Variants in ADAMTSL1 observed in about 807,000 individuals in gnomAD.
The protein encoded by ADAMTSL1 is ADAMTS-like protein 1.
ADAMTSL1 carries 126 observed loss-of-function variants against 201.8 expected under a neutral mutation model. The observed-to-expected ratio is 0.62, with a 90% CI of 0.54 to 0.72. The LOEUF (loss-of-function observed/expected upper bound fraction) is 0.72. Ranked by LOEUF, ADAMTSL1 falls within the 30% of genes least tolerant of loss-of-function variation. ADAMTSL1 has a pLI of 0.00. For synonymous variants in ADAMTSL1, 1,121 were observed against 903.4 expected (o/e 1.24, Z -4.32); for missense variants, 2,679 against 2,277.8 (o/e 1.18, Z -3.59).
intron 23 of ADAMTSL1, among the ~76,000 whole-genome samples, chr9:18,866,445 A>G (rs1827546636): frequency 6.6e-6 from 1 of 152,262 alleles, no homozygotes; most frequent in Non-Finnish European, 1.5e-5. Flanking sequence ...AAAGCCTTGA[A>G]AAACAGATTA....
At chr9:18,437,138 C>T (rs142252713) in intron 2 of ADAMTSL1, among the ~76,000 whole-genome samples, 3 of 151,818 alleles carry the variant, frequency 2.0e-5, no homozygotes, top group South Asian at 4.2e-4. Context: ...GGACACTCTG[C>T]GCATCAAAAC....
intron 1 of ADAMTSL1, among the ~76,000 whole-genome samples, chr9:18,018,645 C>A (rs987405070): frequency 2.6e-5 from 4 of 151,982 alleles, no homozygotes; most frequent in African/African-American, 9.7e-5. Flanking sequence ...TATGCAAACC[C>A]CATCAATTAA....
chr9:18,375,825 A>G (rs1006061920), intron 2 of ADAMTSL1, among the ~76,000 whole-genome samples: 2 of 152,042 alleles, frequency 1.3e-5, no homozygotes, highest in Non-Finnish European at 2.9e-5. Flanking sequence ...CGATTGGCCC[A>G]TTTTACAGAG....
intron 1 of ADAMTSL1, among the ~76,000 whole-genome samples, chr9:18,075,032 T>C (rs1371914286): frequency 1.3e-5 from 2 of 152,148 alleles, no homozygotes; most frequent in Admixed American, 6.6e-5. Flanking sequence ...GCCTTCCTGC[T>C]TCCCTCTTGC....
At chr9:18,809,040 G>A (rs2131135764) in intron 20 of ADAMTSL1, among the ~76,000 whole-genome samples, 1 of 152,310 alleles carries the variant, frequency 6.6e-6, no homozygotes, top group Admixed American at 6.5e-5. Context: ...GCCAGGCCTA[G>A]GTGATAGAAA....
intron 23 of ADAMTSL1, among the ~76,000 whole-genome samples, chr9:18,862,851 A>C (rs1445078393): frequency 6.6e-6 from 1 of 152,246 alleles, no homozygotes; most frequent in Non-Finnish European, 1.5e-5. Context: ...CTAGGGACTT[A>C]TAAACCCAGA....
chr9:18,330,255 C>A (rs905792699), intron 2 of ADAMTSL1, among the ~76,000 whole-genome samples: 6 of 152,104 alleles, frequency 3.9e-5, no homozygotes, highest in Admixed American at 3.9e-4. Flanking sequence ...GCCTATTATT[C>A]TCAGTGTCAT....
chr9:18,838,379 AC>A (rs1238594560), intron 23 of ADAMTSL1, among the ~76,000 whole-genome samples: 6 of 136,824 alleles, frequency 4.4e-5, no homozygotes, highest in African/African-American at 1.3e-4. Context: ...ACACACACAC[AC>A]ACACACACAC....
At chr9:18,891,635 A>G (rs1588322604) in intron 25 of ADAMTSL1, among the ~76,000 whole-genome samples, 2 of 152,236 alleles carry the variant, frequency 1.3e-5, no homozygotes, top group African/African-American at 2.4e-5. Flanking sequence ...TCTGAGAGGT[A>G]TAAGACCTAT....
intron 2 of ADAMTSL1, among the ~76,000 whole-genome samples, chr9:18,291,710 CTCTCTT>C (rs1163560869): frequency 3.2e-4 from 43 of 134,032 alleles, no homozygotes; most frequent in African/African-American, 1.1e-3. Context: ...CTCTCTCTCT[CTCTCTT>C]TCTCTCTCTC....
At chr9:18,265,458 G>A (rs917325310) in intron 2 of ADAMTSL1, among the ~76,000 whole-genome samples, 1 of 151,948 alleles carries the variant, frequency 6.6e-6, no homozygotes, top group Non-Finnish European at 1.5e-5. Context: ...GACTTTTATT[G>A]TCTCCTTCTC....
intron 1 of ADAMTSL1, among the ~76,000 whole-genome samples, chr9:18,140,562 C>G (rs767151715): frequency 6.6e-6 from 1 of 152,146 alleles, no homozygotes; most frequent in Admixed American, 6.5e-5. Flanking sequence ...GGGGGCTAGT[C>G]ATATAGGTGT....
intron 15 of ADAMTSL1, among the ~76,000 whole-genome samples, chr9:18,748,382 G>C (rs961022706): frequency 1.8e-4 from 28 of 152,088 alleles, no homozygotes; most frequent in African/African-American, 5.6e-4. Context: ...AAAGATGTTA[G>C]GATTACTAAG....
At chr9:18,869,944 AT>A (rs1471955420) in intron 23 of ADAMTSL1, among the ~76,000 whole-genome samples, 1 of 151,054 alleles carries the variant, frequency 6.6e-6, no homozygotes, top group Non-Finnish European at 1.5e-5. Flanking sequence ...TTTTTTTTCA[AT>A]TTTTTTCTGT....
chr9:18,136,291 C>T (rs1222317780), intron 1 of ADAMTSL1, among the ~76,000 whole-genome samples: 2 of 152,068 alleles, frequency 1.3e-5, no homozygotes, highest in Admixed American at 6.6e-5. Context: ...CATAATTGCT[C>T]CCAGATGATT....
chr9:18,771,615 A>G (rs10963751), intron 17 of ADAMTSL1, among the ~76,000 whole-genome samples: 17,123 of 151,408 alleles, frequency 0.11, 1,236 homozygotes, highest in East Asian at 0.28. Context: ...GAATCACTAG[A>G]CCTGAAGTGA....
At chr9:18,774,047 T>C (rs1238687749) in intron 17 of ADAMTSL1, among the ~76,000 whole-genome samples, 1 of 152,224 alleles carries the variant, frequency 6.6e-6, no homozygotes, top group African/African-American at 2.4e-5. Context: ...CATATAACAC[T>C]TGAAAATATA....
intron 1 of ADAMTSL1, among the ~76,000 whole-genome samples, chr9:17,965,360 T>A (rs903421462): frequency 1.3e-5 from 2 of 152,112 alleles, no homozygotes; most frequent in African/African-American, 4.8e-5. Flanking sequence ...GAGAATATAC[T>A]TACATTAAAT....
At chr9:18,065,376 G>C (rs557038396) in intron 1 of ADAMTSL1, among the ~76,000 whole-genome samples, 2 of 152,236 alleles carry the variant, frequency 1.3e-5, no homozygotes, top group South Asian at 4.1e-4. Context: ...AACTCATGGT[G>C]TTTCATTACT....
Sources: allele counts gnomAD v4.1 joint callset (sites outside exome capture counted in the v4.1 genomes callset), GRCh38; gene constraint gnomAD v4.1.1; transcripts MANE v1.5; gene names NCBI Gene and HGNC (gene_info 2026-07-23, HGNC 2026-07-21).